The following CNTN5 variants were observed in gnomAD, a reference collection of about 807,000 sequenced individuals.
CNTN5 encodes the protein contactin-5.
In CNTN5, 77 loss-of-function variants were observed where a neutral mutation model predicts 129.1. The observed-to-expected ratio is 0.60, with a 90% CI of 0.50 to 0.72. The LOEUF (loss-of-function observed/expected upper bound fraction) is 0.72. CNTN5 is among the 30% of genes least tolerant of loss of function. The pLI is 0.00. For missense variants in CNTN5, 1,478 were observed against 1,328.8 expected, an observed-to-expected ratio of 1.11 and a Z score of -1.75; for synonymous variants, 509 against 465.6, an observed-to-expected ratio of 1.09 and a Z score of -1.20.
At chr11:99,984,682 C>T (rs1021370052) in intron 8 of CNTN5, among the ~76,000 whole-genome samples, 1 of 152,012 alleles carries the variant, frequency 6.6e-6, no homozygotes, top group African/African-American at 2.4e-5. Context: ...AGACAAGGAC[C>T]AATAGCATGT....
At chr11:100,297,521 A>G (rs1951121747) in intron 18 of CNTN5, 104 bp from the exon 19 acceptor site, 2 of 809,540 alleles carry the variant, frequency 2.5e-6, no homozygotes, top group East Asian at 5.3e-5. Flanking sequence ...AATCTTTAAT[A>G]TGACCATTCT....
chr11:99,799,465 C>T lies in CNTN5; in HGVS notation c.56-20079C>T, dbSNP rs186402308. ...GAGAGTTTTTATCATGAAGCAAGGC[C>T]GGATTTTATCAAATGCTCTTCCTTG... On this transcript the variant is annotated intron_variant, in intron 3 of 24. Transcript: ENST00000524871. Among the ~76,000 whole-genome samples, 206 of 151,730 alleles carry T rather than the reference C, an allele frequency of 1.4e-3. 1 individual carries two copies. Among genetic ancestry groups the T allele is most frequent in the African/African-American group, 4.9e-3 (203 of 41,412 alleles).
chr11:99,830,163 G>T (rs1437258690), intron 4 of CNTN5, among the ~76,000 whole-genome samples: 1 of 152,116 alleles, frequency 6.6e-6, no homozygotes, highest in African/African-American at 2.4e-5. Context: ...CTGATTCAGA[G>T]ACTACAGTGC....
intron 3 of CNTN5, among the ~76,000 whole-genome samples, chr11:99,584,267 A>G (rs1949717178): frequency 6.6e-6 from 1 of 152,174 alleles, no homozygotes; most frequent in Admixed American, 6.5e-5. Flanking sequence ...TTAGCTCTGT[A>G]TTCTCCTACT....
At chr11:99,171,478 T>C (rs1861146353) in intron 1 of CNTN5, among the ~76,000 whole-genome samples, 1 of 152,216 alleles carries the variant, frequency 6.6e-6, no homozygotes. Context: ...CATTGTCATG[T>C]AACACGTACT....
chr11:100,054,538 T>C (rs1298080688), intron 9 of CNTN5, among the ~76,000 whole-genome samples: 3 of 151,780 alleles, frequency 2.0e-5, no homozygotes, highest in Non-Finnish European at 3.0e-5. Flanking sequence ...CAGATTACCT[T>C]TCTAAGCTCT....
intron 6 of CNTN5, among the ~76,000 whole-genome samples, chr11:99,888,614 G>C (rs1948962428): frequency 6.6e-6 from 1 of 152,202 alleles, no homozygotes; most frequent in Non-Finnish European, 1.5e-5. Flanking sequence ...CAGAAAGCCT[G>C]AAGCTGAATC....
At chr11:99,389,905 G>C (rs1196749265) in intron 2 of CNTN5, among the ~76,000 whole-genome samples, 1 of 152,150 alleles carries the variant, frequency 6.6e-6, no homozygotes, top group Non-Finnish European at 1.5e-5. Flanking sequence ...GAATGTGAAA[G>C]TGTGATTACT....
At chr11:99,867,800 CA>C (rs1315492496) in intron 6 of CNTN5, among the ~76,000 whole-genome samples, 1 of 152,110 alleles carries the variant, frequency 6.6e-6, no homozygotes, top group African/African-American at 2.4e-5. Flanking sequence ...CTAACATAGT[CA>C]AAGATTTGAG....
intron 13 of CNTN5, among the ~76,000 whole-genome samples, chr11:100,119,374 G>T (rs1945942275): frequency 6.6e-6 from 1 of 151,844 alleles, no homozygotes; most frequent in African/African-American, 2.4e-5. Flanking sequence ...CTATGCTCTT[G>T]TTGCTATTTG....
chr11:100,105,190 T>G (rs1469004213), intron 13 of CNTN5, among the ~76,000 whole-genome samples: 1 of 152,212 alleles, frequency 6.6e-6, no homozygotes, highest in Non-Finnish European at 1.5e-5. Context: ...AGGGTTATTC[T>G]GCTGCTGAGG....
chr11:100,353,155 T>G (rs1205420064), intron 24 of CNTN5, among the ~76,000 whole-genome samples: 1 of 151,554 alleles, frequency 6.6e-6, no homozygotes, highest in Non-Finnish European at 1.5e-5. Context: ...TAACTTCTAC[T>G]CCAAGAAAAA....
chr11:100,191,200 G>A lies in CNTN5; in HGVS notation c.1655G>A (p.Arg552Gln), dbSNP rs371947927. ...TCAGACGAGGGAAAGTACGTTTGCC[G>A]AGGGGAAAACGTCTTTGGTTCTGCT... ...SKSDEGKYVC[R>Q]GENVFGSAEI... The change falls in exon 14 of 25, where the codon CGA becomes CAA. Residue 552 changes from arginine (R) to glutamine (Q), a missense_variant. Transcript: ENST00000524871. The A allele has an allele frequency of 6.2e-6, 10 of 1,611,962 alleles. No individual in the cohort carries two copies. Among genetic ancestry groups the A allele is most frequent in the African/African-American group, 4.0e-5 (3 of 74,806 alleles).
At chr11:99,890,380 CTT>C (rs1166438853) in intron 6 of CNTN5, among the ~76,000 whole-genome samples, 4 of 151,808 alleles carry the variant, frequency 2.6e-5, no homozygotes, top group African/African-American at 4.8e-5. Flanking sequence ...CCTTCTCTCT[CTT>C]CCTTATATAT....
chr11:99,489,609 TATTAA>T (rs933165715), intron 2 of CNTN5, among the ~76,000 whole-genome samples: 1 of 152,202 alleles, frequency 6.6e-6, no homozygotes, highest in African/African-American at 2.4e-5. Context: ...TTGGAGTCCC[TATTAA>T]ATTATAGAGT....
chr11:99,491,377 G>A (rs921060019), intron 2 of CNTN5, among the ~76,000 whole-genome samples: 2 of 152,048 alleles, frequency 1.3e-5, no homozygotes, highest in Non-Finnish European at 2.9e-5. Context: ...ACGGACTAAA[G>A]GCGAATTGAT....
intron 3 of CNTN5, among the ~76,000 whole-genome samples, chr11:99,773,713 T>C (rs988825099): frequency 1.3e-5 from 2 of 152,070 alleles, no homozygotes; most frequent in African/African-American, 4.8e-5. Context: ...GCCAATTAAA[T>C]GCGAACGTTT....
At chr11:100,099,975 T>G (rs1945163010) in intron 13 of CNTN5, among the ~76,000 whole-genome samples, 1 of 152,124 alleles carries the variant, frequency 6.6e-6, no homozygotes, top group African/African-American at 2.4e-5. Flanking sequence ...CCTAGTGAAA[T>G]GTGGAAATTT....
intron 21 of CNTN5, among the ~76,000 whole-genome samples, chr11:100,320,606 T>G (rs1167724597): frequency 2.6e-5 from 4 of 152,238 alleles, no homozygotes; most frequent in Admixed American, 6.5e-5. Context: ...TGGTTTTTTT[T>G]GGGTCATATC....
Sources: gnomAD v4.1 joint callset for allele counts (sites outside exome capture counted in the v4.1 genomes callset) on GRCh38, gnomAD v4.1.1 for gene constraint, MANE v1.5 for transcripts, NCBI Gene and HGNC (gene_info 2026-07-23, HGNC 2026-07-21) for gene names.